NLGN3: variants seen among roughly 807,000 people sequenced by gnomAD.
NLGN3 encodes the protein neuroligin 3, also known as neuroligin-3.
In NLGN3, 11 loss-of-function variants were observed where a neutral mutation model predicts 42.9. That is an observed-to-expected ratio of 0.26 (90% CI 0.16 to 0.42). The LOEUF is 0.42. Ranked by LOEUF, NLGN3 falls within the 10% of genes least tolerant of loss-of-function variation. The pLI, the probability that NLGN3 is intolerant of heterozygous loss-of-function variation, is 1.00. For synonymous variants in NLGN3, 279 were observed against 312.7 expected, an observed-to-expected ratio of 0.89 and a Z score of 1.14; for missense variants, 374 against 733.8, an observed-to-expected ratio of 0.51 and a Z score of 5.67.
intron 6 of NLGN3, 50 bp from the exon 7 acceptor site, chrX:71,166,961 G>A: frequency 9.6e-7 from 1 of 1,045,097 alleles, no homozygotes; most frequent in Non-Finnish European, 1.3e-6. Context: ...AGAGATTTAT[G>A]GCTATGTGTG....
intron 4 of NLGN3, among the ~76,000 whole-genome samples, chrX:71,154,040 A>G (rs2092399835): frequency 9.0e-6 from 1 of 111,002 alleles, no homozygotes. Flanking sequence ...CAGCACCAGA[A>G]CCTCCCCAGC....
rs2092466862 is a variant in NLGN3, at chrX:71,170,200, C to T, written c.*103C>T. On this transcript the variant is annotated 3_prime_UTR_variant, in exon 8 of 8. Transcript: ENST00000358741. Reference sequence around the variant, plus strand: ...ACACGCAGACACACACACACACACACATATATGTATACGCACGCACCCACA... The same window carrying T: ...ACACGCAGACACACACACACACACATATATATGTATACGCACGCACCCACA... 9.4e-6 allele frequency: 11 copies of T among 1,168,176 alleles called. No individual in the cohort carries two copies. The Admixed American group carries it at 9.6e-5, about 10-fold the overall frequency.
chrX:71,156,695 C>T (rs1275259838), intron 5 of NLGN3, among the ~76,000 whole-genome samples: 1 of 110,472 alleles, frequency 9.1e-6, no homozygotes, highest in African/African-American at 3.3e-5. Context: ...CCCCAAGTCT[C>T]CCCACACTTC....
At chrX:71,156,423 C>A (rs1371037200) in intron 5 of NLGN3, among the ~76,000 whole-genome samples, 2 of 110,626 alleles carry the variant, frequency 1.8e-5, no homozygotes, top group Non-Finnish European at 3.8e-5. Flanking sequence ...TACACACACA[C>A]CATATCCACA....
chrX:71,157,386 C>T (rs2092413680), intron 5 of NLGN3, among the ~76,000 whole-genome samples: 1 of 109,706 alleles, frequency 9.1e-6, no homozygotes, highest in Admixed American at 9.8e-5. Flanking sequence ...TGCAATGGCA[C>T]CATCTTGGCT....
At chrX:71,154,437 T>C (rs2092401450) in intron 4 of NLGN3, among the ~76,000 whole-genome samples, 1 of 112,543 alleles carries the variant, frequency 8.9e-6, no homozygotes, top group South Asian at 3.7e-4. Context: ...CCAGCCCTGA[T>C]GCCGTGCCGC....
downstream of NLGN3, among the ~76,000 whole-genome samples, chrX:71,172,905 T>C (rs183566967): frequency 3.2e-4 from 35 of 110,961 alleles, no homozygotes; most frequent in Non-Finnish European, 5.9e-4. Flanking sequence ...GTTGCCAAAT[T>C]GAGTGAATGG....
At chrX:71,164,378 C>A in intron 6 of NLGN3, 50 bp downstream of exon 6, 1 of 1,136,988 alleles carries the variant, frequency 8.8e-7, no homozygotes, top group Non-Finnish European at 1.2e-6. Flanking sequence ...CCGGCTGTCC[C>A]AGCATGCCCC....
intron 7 of NLGN3, among the ~76,000 whole-genome samples, chrX:71,168,427 G>A (rs762399873): frequency 3.6e-5 from 4 of 109,953 alleles, no homozygotes; most frequent in Non-Finnish European, 7.6e-5. Context: ...TAGGAATGCA[G>A]TGCTTCAGAA....
At chrX:71,171,556 C>G, downstream of NLGN3, 1 of 284,537 alleles carries the variant, frequency 3.5e-6, no homozygotes, top group Non-Finnish European at 4.8e-6. Flanking sequence ...TCTCCTCCTC[C>G]TCCTCTGCTG....
intron 7 of NLGN3, among the ~76,000 whole-genome samples, chrX:71,168,860 AGAAAGAAAGAGAAAGAAAAGAAAG>A (rs2092459327): frequency 2.2e-5 from 2 of 89,817 alleles, no homozygotes; most frequent in Admixed American, 1.3e-4. Flanking sequence ...AAAGAAAGAA[AGAAAGAAAGAGAAAGAAAAGAAAG>A]AGAAAGAAAG....
At chrX:71,146,190 C>G (rs991569323) in intron 1 of NLGN3, among the ~76,000 whole-genome samples, 1,376 of 94,181 alleles carry the variant, frequency 0.015, 59 homozygotes, top group African/African-American at 0.051. Flanking sequence ...CACACACACA[C>G]ACACACACAC....
At chrX:71,163,195 T>G (rs749553572) in intron 5 of NLGN3, among the ~76,000 whole-genome samples, 2 of 110,241 alleles carry the variant, frequency 1.8e-5, no homozygotes, top group East Asian at 2.9e-4. Context: ...TGGTGACATG[T>G]CTCCTCAGCA....
In NLGN3 at chrX:71,170,868, G is replaced by A; in HGVS notation, c.*771G>A. 2 of 755,777 alleles carry A rather than the reference G, an allele frequency of 2.6e-6. No individual in the cohort carries two copies. Among genetic ancestry groups the A allele is most frequent in the Non-Finnish European group, 1.6e-6 (1 of 640,085 alleles). 62.3% of individuals were successfully genotyped at this position (755,777 alleles called of 1,213,427 possible). On this transcript the variant is annotated 3_prime_UTR_variant, in exon 8 of 8. Transcript: ENST00000358741. ...TGCAGGGTGACCTGCTTCCCCAAAG[G>A]CCAACAGCATTGGCCTGGCCAGACC...
chrX:71,174,724 G>A (rs190002956), downstream of NLGN3, among the ~76,000 whole-genome samples: 327 of 111,996 alleles, frequency 2.9e-3, 2 homozygotes, highest in African/African-American at 9.6e-3. Flanking sequence ...AAACCTAGGC[G>A]AATTCTTAAC....
chrX:71,150,822 T>C (rs1240920775), intron 3 of NLGN3, among the ~76,000 whole-genome samples: 1 of 111,415 alleles, frequency 9.0e-6, no homozygotes, highest in Non-Finnish European at 1.9e-5. Flanking sequence ...GGCTGTCCAG[T>C]CCAGCCCTGA....
At chrX:71,159,890 ATTTTTTTT>A (rs748275369) in intron 5 of NLGN3, among the ~76,000 whole-genome samples, 1 of 50,430 alleles carries the variant, frequency 2.0e-5, no homozygotes, top group African/African-American at 8.6e-5. Flanking sequence ...ACGCCCAGCT[ATTTTTTTT>A]TTTTTTTTTT....
chrX:71,161,850 T>C (rs1014128756), intron 5 of NLGN3, among the ~76,000 whole-genome samples: 4 of 112,964 alleles, frequency 3.5e-5, no homozygotes, highest in Non-Finnish European at 7.5e-5. Flanking sequence ...AGGAAATTGG[T>C]ACATTGGAGA....
intron 7 of NLGN3, 37 bp from the exon 8 acceptor site, chrX:71,169,217 T>TA: frequency 8.3e-7 from 1 of 1,204,814 alleles, no homozygotes; most frequent in East Asian, 3.0e-5. Flanking sequence ...CTCATCCAGA[T>TA]AGAGTGGTGA....
Sources: gnomAD v4.1 joint callset for allele counts (sites outside exome capture counted in the v4.1 genomes callset) on GRCh38, gnomAD v4.1.1 for gene constraint, MANE v1.5 for transcripts, NCBI Gene and HGNC (gene_info 2026-07-23, HGNC 2026-07-21) for gene names.